Variants in SUFU observed in about 807,000 individuals in gnomAD.
SUFU encodes the protein suppressor of fused homolog.
Under a neutral mutation model 58.9 loss-of-function variants are expected in SUFU, and 7 were observed. The ratio of observed to expected loss-of-function variants is 0.12; its 90% CI spans 0.07 to 0.22. The LOEUF is 0.22. Ranked by LOEUF, SUFU falls within the 10% of genes least tolerant of loss-of-function variation. The pLI is 1.00. For missense variants in SUFU, 451 were observed against 641.3 expected (o/e 0.70, Z 3.20); for synonymous variants, 232 against 254.8 (o/e 0.91, Z 0.85).
At chr10:102,588,328 G>A (rs1336651391) in intron 3 of SUFU, among the ~76,000 whole-genome samples, 1 of 150,842 alleles carries the variant, frequency 6.6e-6, no homozygotes, top group Admixed American at 6.6e-5. Context: ...GGGAGGTGGA[G>A]TTGGCAGTGA....
chr10:102,544,102 A>C (rs2062830404), intron 2 of SUFU, among the ~76,000 whole-genome samples: 1 of 152,142 alleles, frequency 6.6e-6, no homozygotes, highest in Non-Finnish European at 1.5e-5. Flanking sequence ...CTGTCTCACA[A>C]AAAAAAGATG....
chr10:102,611,453 A>C lies in SUFU; in HGVS notation c.1023-3815A>C, dbSNP rs1418433350. Among the ~76,000 whole-genome samples, 3 of 152,286 alleles carry C rather than the reference A, an allele frequency of 2.0e-5. No homozygotes were observed. The East Asian group carries it at 5.8e-4, about 29-fold the overall frequency. On this transcript the variant is annotated intron_variant, in intron 8 of 11. Transcript: ENST00000369902. ...TGGTTGACCAAAGCCTGCAGGGTCC[A>C]CTCAAGGAGTCAGGAGCTCTTTCAA...
intron 2 of SUFU, among the ~76,000 whole-genome samples, chr10:102,539,143 G>A (rs1009977357): frequency 6.6e-6 from 1 of 152,218 alleles, no homozygotes; most frequent in African/African-American, 2.4e-5. Context: ...TGGTCACCCT[G>A]CTTCAGTGAC....
chr10:102,522,513 TC>T (rs769970173), intron 2 of SUFU, among the ~76,000 whole-genome samples: 1 of 152,144 alleles, frequency 6.6e-6, no homozygotes, highest in Non-Finnish European at 1.5e-5. Flanking sequence ...GTCCTTGTAC[TC>T]GAGGGACACA....
At chr10:102,504,377 A>C (rs1306693573) in intron 1 of SUFU, 43 bp downstream of exon 1, 1 of 1,610,164 alleles carries the variant, frequency 6.2e-7, no homozygotes, top group Non-Finnish European at 8.5e-7. Context: ...GCGGGCTGGA[A>C]AGGGTTAAAG....
At position 102,628,051 on chromosome 10, in the gene SUFU, C is replaced by A. The variant is rs1356915028; in HGVS notation, c.1365+808C>A. Among the ~76,000 whole-genome samples the A allele has an allele frequency of 6.6e-6, 1 of 152,160 alleles. No individual in the cohort carries two copies. Among genetic ancestry groups the A allele is most frequent in the Non-Finnish European group, 1.5e-5 (1 of 68,012 alleles). ...GAGAGCTCTCCTGGGCCCTGCCCTG[C>A]CTGTGGCAGAGGCAGACCCTTCCCT... On this transcript the variant is annotated intron_variant, in intron 11 of 11. Coordinates refer to ENST00000369902, the MANE Select transcript of SUFU (RefSeq NM_016169.4). This position sits in a 1 kb window ranked among gnomAD's most constrained non-coding sequence, Gnocchi z 4.5.
chr10:102,578,104 G>A (rs1181027937), intron 3 of SUFU, among the ~76,000 whole-genome samples: 6 of 144,370 alleles, frequency 4.2e-5, no homozygotes, highest in South Asian at 2.3e-4. Context: ...TCAGGAGATC[G>A]AGACCATCCT....
chr10:102,516,863 T>A (rs1472186567), intron 2 of SUFU, among the ~76,000 whole-genome samples: 2 of 147,212 alleles, frequency 1.4e-5, no homozygotes, highest in Non-Finnish European at 3.0e-5. Flanking sequence ...GTGGCTCACA[T>A]CTGTAATCCC....
At chr10:102,522,492 A>T (rs1156584678) in intron 2 of SUFU, among the ~76,000 whole-genome samples, 1 of 152,154 alleles carries the variant, frequency 6.6e-6, no homozygotes, top group Non-Finnish European at 1.5e-5. Context: ...TGGCTTACAG[A>T]GTGCCCCAGG....
At position 102,609,331 on chromosome 10, in the gene SUFU, G is replaced by T. The variant is rs377524845; in HGVS notation, c.1023-5937G>T. 4.6e-5 allele frequency among the ~76,000 whole-genome samples: 7 copies of T among 152,276 alleles called. 1 individual carries two copies. The highest frequency in any genetic ancestry group is 1.7e-4 in the African/African-American group (7 of 41,564). ...ATAGTCCCCTGAAAACCAAAAGGAG[G>T]TCTATTACCTCCAGGGACCAATATA... On this transcript the variant is annotated intron_variant, in intron 8 of 11. Coordinates refer to ENST00000369902, the MANE Select transcript of SUFU (RefSeq NM_016169.4).
intron 3 of SUFU, among the ~76,000 whole-genome samples, chr10:102,551,324 C>CA (rs909135349): frequency 2.0e-5 from 3 of 152,094 alleles, no homozygotes; most frequent in Non-Finnish European, 4.4e-5. Context: ...TGTGGGGCTC[C>CA]AGTTGAGTTG....
At chr10:102,504,486 G>C (rs2062297298) in intron 1 of SUFU, 152 bp downstream of exon 1, 4 of 1,476,594 alleles carry the variant, frequency 2.7e-6, no homozygotes, top group African/African-American at 1.4e-5. Flanking sequence ...AGGAGTTAAG[G>C]CTCAAGTTGG....
At chr10:102,594,966 C>T (rs947087390) in intron 6 of SUFU, among the ~76,000 whole-genome samples, 9 of 152,172 alleles carry the variant, frequency 5.9e-5, no homozygotes, top group Non-Finnish European at 7.3e-5. Context: ...ATGATCCGCC[C>T]GCCTCGGCCT....
chr10:102,595,099 CCTT>C (rs1833240635), intron 6 of SUFU, among the ~76,000 whole-genome samples: 1 of 152,148 alleles, frequency 6.6e-6, no homozygotes, highest in African/African-American at 2.4e-5. Flanking sequence ...GTGTCTGGCT[CCTT>C]CTACTCCCCT....
chr10:102,595,748 G>A (rs1163169045), intron 6 of SUFU, among the ~76,000 whole-genome samples: 1 of 152,170 alleles, frequency 6.6e-6, no homozygotes, highest in Non-Finnish European at 1.5e-5. Context: ...TGTATTCACT[G>A]TGCCTTTCTG....
At chr10:102,557,086 A>G (rs1489308634) in intron 3 of SUFU, among the ~76,000 whole-genome samples, 1 of 152,048 alleles carries the variant, frequency 6.6e-6, no homozygotes, top group Non-Finnish European at 1.5e-5. Context: ...CTCTCAAAAA[A>G]AAAGAAATTA....
chr10:102,543,170 C>T (rs917753603), intron 2 of SUFU, among the ~76,000 whole-genome samples: 2 of 152,270 alleles, frequency 1.3e-5, no homozygotes, highest in African/African-American at 2.4e-5. Flanking sequence ...AATTTATATC[C>T]ATACCGGCAA....
chr10:102,573,014 C>G lies in SUFU; in HGVS notation c.455-19568C>G, dbSNP rs899992594. On this transcript the variant is annotated intron_variant, in intron 3 of 11. Transcript: ENST00000369902. ...GGAAACTTGATGATAGCATAGTGGTCAAGCTTGTTCTCCGGGGTTGGTCTT... is the reference window on the plus strand; with the variant it reads ...GGAAACTTGATGATAGCATAGTGGTGAAGCTTGTTCTCCGGGGTTGGTCTT... The G allele has an allele frequency of 1.7e-5, 20 of 1,164,212 alleles. No homozygotes were observed. The African/African-American group carries it at 2.3e-4, about 13-fold the overall frequency. 72.1% of individuals were successfully genotyped at this position (1,164,212 alleles called of 1,614,324 possible).
At position 102,504,305 on chromosome 10, in the gene SUFU, G is replaced by C. The variant is rs1217007628; in HGVS notation, c.153G>C (p.Pro51=). The change falls in exon 1 of 12, where the codon CCG becomes CCC. Residue 51 remains proline, a synonymous_variant. Transcript: ENST00000369902. The part of the protein sequence containing the change: ...CRRLYPDQPN[P]LQVTAIVKYW... Reference sequence around the variant, plus strand: ...GCCTTTACCCTGACCAGCCGAACCCGCTCCAGGTTACCGCTATCGTCAAGT... The same window carrying C: ...GCCTTTACCCTGACCAGCCGAACCCCCTCCAGGTTACCGCTATCGTCAAGT... The C allele has an allele frequency of 1.2e-6, 2 of 1,604,810 alleles. No homozygotes were observed. Among genetic ancestry groups the C allele is most frequent in the African/African-American group, 1.3e-5 (1 of 74,532 alleles).
Sources: allele counts gnomAD v4.1 joint callset (sites outside exome capture counted in the v4.1 genomes callset), GRCh38; gene constraint gnomAD v4.1.1; non-coding constraint Gnocchi (gnomAD v3.1); transcripts MANE v1.5; gene names NCBI Gene and HGNC (gene_info 2026-07-23, HGNC 2026-07-21).